Variants in FRMD5 observed in about 807,000 individuals in gnomAD.
FRMD5 encodes the protein FERM domain containing 5.
In FRMD5, 20 loss-of-function variants were observed where a neutral mutation model predicts 69.0. That is an observed-to-expected ratio of 0.29 (90% confidence interval 0.20 to 0.42). The LOEUF (loss-of-function observed/expected upper bound fraction) is 0.42, where lower values mean the gene tolerates loss of function less well. FRMD5 is among the 10% of genes least tolerant of loss of function. The pLI, the probability that FRMD5 is intolerant of heterozygous loss-of-function variation, is 1.00. For missense variants in FRMD5, 595 were observed against 708.6 expected, an observed-to-expected ratio of 0.84 and a Z score of 1.82; for synonymous variants, 271 against 260.1, an observed-to-expected ratio of 1.04 and a Z score of -0.40.
intron 1 of FRMD5, among the ~76,000 whole-genome samples, chr15:44,000,961 G>A (rs374577126): frequency 1.3e-5 from 2 of 152,004 alleles, no homozygotes; most frequent in East Asian, 3.9e-4. Flanking sequence ...CTATAGGTGC[G>A]AGCCACCATG....
At chr15:43,947,270 A>G (rs905143090) in intron 1 of FRMD5, among the ~76,000 whole-genome samples, 6 of 152,218 alleles carry the variant, frequency 3.9e-5, no homozygotes, top group African/African-American at 1.4e-4. Flanking sequence ...TGTGAAGAAT[A>G]TTAGCTAGGA....
chr15:43,920,020 C>A (rs2089465471), intron 2 of FRMD5, among the ~76,000 whole-genome samples: 1 of 152,226 alleles, frequency 6.6e-6, no homozygotes, highest in South Asian at 2.1e-4. Flanking sequence ...ATAGTTCCAG[C>A]TTCAGATGCC....
At chr15:44,021,111 C>A (rs1891191221) in intron 1 of FRMD5, among the ~76,000 whole-genome samples, 1 of 151,994 alleles carries the variant, frequency 6.6e-6, no homozygotes, top group Non-Finnish European at 1.5e-5. Context: ...ATGGCTAAAC[C>A]CAGTCTCTAC....
At chr15:44,159,961 C>G (rs2077587403) in intron 1 of FRMD5, among the ~76,000 whole-genome samples, 1 of 152,204 alleles carries the variant, frequency 6.6e-6, no homozygotes, top group South Asian at 2.1e-4. Context: ...TGAGGCTCCT[C>G]AAGTGGCAGC....
At chr15:44,157,180 G>A (rs1379937598) in intron 1 of FRMD5, among the ~76,000 whole-genome samples, 1 of 152,162 alleles carries the variant, frequency 6.6e-6, no homozygotes, top group Non-Finnish European at 1.5e-5. Flanking sequence ...GACACCTTCA[G>A]ATATGTTTAA....
intron 10 of FRMD5, among the ~76,000 whole-genome samples, chr15:43,887,511 T>C (rs989089621): frequency 6.6e-6 from 1 of 152,220 alleles, no homozygotes; most frequent in Admixed American, 6.5e-5. Flanking sequence ...GAATCCTTGG[T>C]TCTGGTATAA....
chr15:44,170,446 C>A (rs895806369), intron 1 of FRMD5, among the ~76,000 whole-genome samples: 6 of 151,878 alleles, frequency 4.0e-5, no homozygotes, highest in African/African-American at 1.5e-4. Context: ...TCACTTGAAC[C>A]CAGGAGGCGG....
At chr15:44,028,600 A>G (rs1434190242) in intron 1 of FRMD5, among the ~76,000 whole-genome samples, 1 of 152,190 alleles carries the variant, frequency 6.6e-6, no homozygotes, top group Non-Finnish European at 1.5e-5. Flanking sequence ...TAAGGCACAG[A>G]TACTGAGAGA....
At chr15:44,065,828 T>C (rs2140396928) in intron 1 of FRMD5, among the ~76,000 whole-genome samples, 1 of 152,336 alleles carries the variant, frequency 6.6e-6, no homozygotes, top group Non-Finnish European at 1.5e-5. Context: ...CATTACTTTT[T>C]ATCTCCATAA....
At chr15:44,098,538 A>AGAG (rs1555403687) in intron 1 of FRMD5, among the ~76,000 whole-genome samples, 5 of 145,620 alleles carry the variant, frequency 3.4e-5, no homozygotes, top group Admixed American at 2.8e-4. Context: ...AAAAAAAAAA[A>AGAG]AGAGAGAGAG....
At chr15:43,878,192 A>G (rs1304632389) in intron 13 of FRMD5, among the ~76,000 whole-genome samples, 1 of 152,036 alleles carries the variant, frequency 6.6e-6, no homozygotes, top group African/African-American at 2.4e-5. Context: ...TTGTAGAGAC[A>G]GGTTTTTGTG....
At position 44,102,822 on chromosome 15, in the gene FRMD5, G is replaced by A. The variant is rs140995290; in HGVS notation, c.102+92131C>T. ...AAGCAACAGTATAACAAAACTGGCT[G>A]GACTCCCAGCTGTTCACTGTGTGTG... On this transcript the variant is annotated intron_variant, in intron 1 of 13. Transcript: ENST00000417257. 3.9e-3 allele frequency among the ~76,000 whole-genome samples: 595 copies of A among 152,306 alleles called. 1 individual carries two copies. Among genetic ancestry groups the A allele is most frequent in the South Asian group, 0.014 (68 of 4,830 alleles).
At chr15:44,011,659 T>C (rs761732993) in intron 1 of FRMD5, among the ~76,000 whole-genome samples, 4 of 151,756 alleles carry the variant, frequency 2.6e-5, no homozygotes, top group Non-Finnish European at 4.4e-5. Flanking sequence ...TCAAGGGAGA[T>C]AGCAAAGGAG....
intron 1 of FRMD5, among the ~76,000 whole-genome samples, chr15:43,997,558 C>CTGTCTCCTTGCCTGT (rs1236313570): frequency 6.6e-6 from 1 of 152,184 alleles, no homozygotes; most frequent in Non-Finnish European, 1.5e-5. Flanking sequence ...ATAGGAGAAA[C>CTGTCTCCTTGCCTGT]TGTCTCCTTG....
intron 7 of FRMD5, among the ~76,000 whole-genome samples, chr15:43,897,487 CAAA>C (rs34243475): frequency 0.035 from 567 of 16,032 alleles, 2 homozygotes; most frequent in African/African-American, 0.11. Context: ...CACTCCATCT[CAAA>C]AAAAAAAAAA....
At chr15:43,973,341 G>A (rs2090414742) in intron 1 of FRMD5, among the ~76,000 whole-genome samples, 1 of 149,906 alleles carries the variant, frequency 6.7e-6, no homozygotes, top group South Asian at 2.1e-4. Context: ...TAATATCCTA[G>A]TTACTTTCTT....
At chr15:44,081,611 T>G (rs543899308) in intron 1 of FRMD5, among the ~76,000 whole-genome samples, 2 of 152,252 alleles carry the variant, frequency 1.3e-5, no homozygotes, top group African/African-American at 4.8e-5. Context: ...CTCTGTGCTT[T>G]GGAACTCAGA....
chr15:44,146,527 G>A (rs1412721486), intron 1 of FRMD5, among the ~76,000 whole-genome samples: 5 of 152,082 alleles, frequency 3.3e-5, no homozygotes, highest in Admixed American at 6.5e-5. Flanking sequence ...GGGATTGCTG[G>A]GTCAAATGGT....
chr15:44,110,377 G>A (rs2076780531), intron 1 of FRMD5, among the ~76,000 whole-genome samples: 2 of 152,174 alleles, frequency 1.3e-5, no homozygotes, highest in Admixed American at 1.3e-4. Flanking sequence ...CTTCTGTGTG[G>A]ATGTAAGTTT....
Sources: gnomAD v4.1 joint callset for allele counts (sites outside exome capture counted in the v4.1 genomes callset) on GRCh38, gnomAD v4.1.1 for gene constraint, MANE v1.5 for transcripts, NCBI Gene and HGNC (gene_info 2026-07-23, HGNC 2026-07-21) for gene names.